The following CLIP4 variants were observed in gnomAD, a reference collection of about 807,000 sequenced individuals.
The protein encoded by CLIP4 is CAP-Gly domain-containing linker protein 4.
CLIP4 carries 47 observed loss-of-function variants against 73.1 expected under a neutral mutation model. The observed-to-expected ratio is 0.64, with a 90% confidence interval of 0.51 to 0.82. The LOEUF (loss-of-function observed/expected upper bound fraction) is 0.82, where lower values mean the gene tolerates loss of function less well. Among genes scored for constraint, CLIP4 ranks in the 40% least tolerant of loss-of-function variants. The probability of loss-of-function intolerance (pLI) is 0.00; values close to 1 mark genes in which losing one functional copy is unlikely to be tolerated. For synonymous variants in CLIP4, 306 were observed against 295.4 expected (o/e 1.04, Z -0.37); for missense variants, 874 against 852.9 (o/e 1.02, Z -0.31).
At chr2:29,160,548 T>C (rs762492665) in intron 12 of CLIP4, 81 bp downstream of exon 12, 22 of 1,493,278 alleles carry the variant, frequency 1.5e-5, no homozygotes, top group South Asian at 1.0e-4. Context: ...TAGAATTTAA[T>C]TGTAGAGAAA....
chr2:29,101,858 A>C (rs1668059878), intron 1 of CLIP4, among the ~76,000 whole-genome samples: 1 of 152,228 alleles, frequency 6.6e-6, no homozygotes, highest in South Asian at 2.1e-4. Context: ...TGCTTCTTTG[A>C]ATCAAAATTA....
At chr2:29,105,581 C>T (rs1440847355) in intron 1 of CLIP4, among the ~76,000 whole-genome samples, 2 of 152,208 alleles carry the variant, frequency 1.3e-5, no homozygotes, top group South Asian at 2.1e-4. Flanking sequence ...AGTCTGGCTC[C>T]AGCCTGACTT....
chr2:29,120,185 A>C (rs529784702), intron 1 of CLIP4, among the ~76,000 whole-genome samples: 8 of 152,316 alleles, frequency 5.3e-5, no homozygotes, highest in African/African-American at 1.9e-4. Flanking sequence ...GAAAATGTGA[A>C]TACCTTAAAA....
At position 29,131,305 on chromosome 2, in the gene CLIP4, T is replaced by C. The variant is rs1664952260; in HGVS notation, c.181T>C (p.Phe61Leu). 1.2e-6 allele frequency: 2 copies of C among 1,610,902 alleles called. No individual in the cohort carries two copies. The highest frequency in any genetic ancestry group is 1.7e-6 in the Non-Finnish European group (2 of 1,178,868). ...TGATGCATCATGCCAGGAAATTCTT[T>C]TTGATCCCAAAACTTCAGTTTCAGA... is the stretch of plus-strand genomic sequence containing the variant. ...PNDASCQEIL[F>L]DPKTSVSELF... The change falls in exon 3 of 16, where the codon TTT (phenylalanine) becomes CTT (leucine). Residue 61 changes from phenylalanine (F) to leucine (L), a missense_variant. Coordinates refer to ENST00000320081, the MANE Select transcript of CLIP4 (RefSeq NM_024692.6).
intron 2 of CLIP4, among the ~76,000 whole-genome samples, chr2:29,127,472 G>GT (rs1380260899): frequency 6.6e-6 from 1 of 152,174 alleles, no homozygotes; most frequent in Non-Finnish European, 1.5e-5. Context: ...CCAAATTGCT[G>GT]TAAGTTGTAG....
chr2:29,158,694 G>C (rs62132794), intron 11 of CLIP4, among the ~76,000 whole-genome samples: 33,015 of 152,214 alleles, frequency 0.22, 4,438 homozygotes, highest in Admixed American at 0.3. Flanking sequence ...AAAAATTAGA[G>C]AAAGAAGAGT....
chr2:29,132,419 A>G (rs1299250943), intron 4 of CLIP4, 174 bp downstream of exon 4: 2 of 606,738 alleles, frequency 3.3e-6, no homozygotes, highest in Admixed American at 3.0e-5. Flanking sequence ...CCTTTAATCA[A>G]GGAGGTCTTT....
chr2:29,164,616 G>T (rs555144545), intron 13 of CLIP4, among the ~76,000 whole-genome samples: 182 of 152,234 alleles, frequency 1.2e-3, no homozygotes, highest in African/African-American at 4.1e-3. Context: ...GTGCCTTTTA[G>T]CGGATGGGAA....
intron 9 of CLIP4, among the ~76,000 whole-genome samples, chr2:29,153,449 T>A (rs1309790283): frequency 6.6e-6 from 1 of 152,216 alleles, no homozygotes; most frequent in African/African-American, 2.4e-5. Context: ...CTTATTCATA[T>A]CCTGTCTCTA....
chr2:29,143,185 C>T (rs1271047248), intron 6 of CLIP4, among the ~76,000 whole-genome samples: 1 of 152,224 alleles, frequency 6.6e-6, no homozygotes, highest in East Asian at 1.9e-4. Flanking sequence ...CTTTCTCATG[C>T]CTCTGCGGGC....
At chr2:29,102,954 C>G (rs985956734) in intron 1 of CLIP4, among the ~76,000 whole-genome samples, 2 of 152,220 alleles carry the variant, frequency 1.3e-5, no homozygotes, top group African/African-American at 4.8e-5. Context: ...GCCCCAGGAC[C>G]TCAGCACCCT....
intron 15 of CLIP4, among the ~76,000 whole-genome samples, chr2:29,177,060 C>T (rs1021623713): frequency 1.3e-5 from 2 of 152,112 alleles, no homozygotes; most frequent in Admixed American, 6.5e-5. Flanking sequence ...ATGGCAATAT[C>T]CTCACAGGTG....
At chr2:29,140,753 C>T (rs1392429156) in intron 6 of CLIP4, among the ~76,000 whole-genome samples, 1 of 152,212 alleles carries the variant, frequency 6.6e-6, no homozygotes, top group African/African-American at 2.4e-5. Flanking sequence ...TGTTTCCTGA[C>T]ATTTTAATGA....
rs891635926 is a variant in CLIP4 at position 29,145,468 on chromosome 2, T to G, written c.1021+101T>G. The G allele has an allele frequency of 1.2e-5, 12 of 980,498 alleles. No individual in the cohort carries two copies. In the Admixed American group the frequency reaches 2.7e-4, roughly 22 times the overall value. The allele number at this position is 980,498 out of a possible 1,614,324, so 60.7% of individuals were successfully genotyped here. On this transcript the variant is annotated intron_variant, in intron 8 of 15. Coordinates refer to ENST00000320081, the MANE Select transcript of CLIP4 (RefSeq NM_024692.6). Reference sequence around the variant, plus strand: ...AAAACTTTTCTCCTGATTTCTTATGTGATAAATGAGGGGCATGTGGATGTA... The same window carrying G: ...AAAACTTTTCTCCTGATTTCTTATGGGATAAATGAGGGGCATGTGGATGTA...
Position 29,174,385 on chromosome 2 carries a change from G to C in CLIP4, c.1736G>C (p.Ser579Thr), listed in dbSNP as rs1668198331. Residue 579 changes from serine to threonine, a missense_variant, in exon 15 of 16, where the codon AGT becomes ACT. By Grantham distance (58) the Ser-to-Thr change is moderately conservative (BLOSUM62 1). Coordinates refer to ENST00000320081, the MANE Select transcript of CLIP4 (RefSeq NM_024692.6). ...QNHSYPGFRR[S>T]FSTTSASSQK... ...CTTTCATATTTAGGTTTTAGGAGAAGTTTTAGCACAACTTCTGCTTCTTCC... is the reference window on the plus strand; with the variant it reads ...CTTTCATATTTAGGTTTTAGGAGAACTTTTAGCACAACTTCTGCTTCTTCC... The C allele has an allele frequency of 1.2e-6, 2 of 1,612,216 alleles. No homozygotes were observed. The highest frequency in any genetic ancestry group is 2.7e-5 in the African/African-American group (2 of 74,868).
intron 8 of CLIP4, among the ~76,000 whole-genome samples, chr2:29,145,978 G>A (rs1234248372): frequency 6.6e-6 from 1 of 152,238 alleles, no homozygotes; most frequent in Admixed American, 6.5e-5. Flanking sequence ...CACTGTGCCT[G>A]GCCAACCATG....
chr2:29,145,161 A>T, intron 7 of CLIP4, 71 bp from the exon 8 acceptor site: 3 of 1,349,704 alleles, frequency 2.2e-6, no homozygotes, highest in Non-Finnish European at 3.1e-6. Context: ...TGGTGAAGTA[A>T]AGTTGCAAGA....
chr2:29,149,286 T>C (rs1428060452), intron 8 of CLIP4, among the ~76,000 whole-genome samples: 1 of 152,108 alleles, frequency 6.6e-6, no homozygotes, highest in Non-Finnish European at 1.5e-5. Flanking sequence ...TTTTGAAGTA[T>C]TGTTGTACAG....
chr2:29,125,817 C>T (rs955237838), intron 2 of CLIP4, among the ~76,000 whole-genome samples: 3 of 152,056 alleles, frequency 2.0e-5, no homozygotes, highest in Non-Finnish European at 4.4e-5. Context: ...CTCATTATTC[C>T]ATCTTGACTT....
Sources: allele counts gnomAD v4.1 joint callset (sites outside exome capture counted in the v4.1 genomes callset), GRCh38; gene constraint gnomAD v4.1.1; transcripts MANE v1.5; gene names NCBI Gene and HGNC (gene_info 2026-07-23, HGNC 2026-07-21).